ITGA10: variants seen among roughly 807,000 people sequenced by gnomAD.
The protein encoded by ITGA10 is integrin subunit alpha 10.
ITGA10 carries 105 observed loss-of-function variants against 145.2 expected under a neutral mutation model. The ratio of observed to expected loss-of-function variants is 0.72; its 90% CI spans 0.62 to 0.85. The LOEUF (loss-of-function observed/expected upper bound fraction) is 0.85, where lower values mean the gene tolerates loss of function less well. Among genes scored for constraint, ITGA10 ranks in the 40% least tolerant of loss-of-function variants. ITGA10 has a pLI of 0.00. For synonymous variants in ITGA10, 506 were observed against 557.8 expected, an observed-to-expected ratio of 0.91 and a Z score of 1.31; for missense variants, 1,317 against 1,444.5, an observed-to-expected ratio of 0.91 and a Z score of 1.43.
At chr1:145,908,596 C>T (rs1553752189) in intron 1 of ITGA10, among the ~76,000 whole-genome samples, 1 of 152,198 alleles carries the variant, frequency 6.6e-6, no homozygotes, top group Non-Finnish European at 1.5e-5. Context: ...GATTACAGGG[C>T]ACTGCCAAGG....
In ITGA10 at chr1:145,906,452, T is replaced by C; in HGVS notation, c.423A>G (p.Ile141Met). 1 of 1,614,030 alleles carries C rather than the reference T, an allele frequency of 6.2e-7. No homozygotes were observed. Among genetic ancestry groups the C allele is most frequent in the Non-Finnish European group, 8.5e-7 (1 of 1,180,014 alleles). ...ACGSSVFSSG[I>M]CARVDASFQP... ...GGAATGAAGCATCCACACGGGCACATATCCCAGAACTGAAGACAGAGCTGC... is the reference window on the plus strand; with the variant it reads ...GGAATGAAGCATCCACACGGGCACACATCCCAGAACTGAAGACAGAGCTGC... Residue 141 changes from isoleucine to methionine, a missense_variant, in exon 5 of 30, where the codon ATA becomes ATG. By Grantham distance (10) the Ile-to-Met change is conservative. Coordinates refer to ENST00000369304, the MANE Select transcript of ITGA10 (RefSeq NM_003637.5).
chr1:145,906,840 T>C lies in ITGA10; in HGVS notation c.275-16A>G. ...TGGTAGTCACCTGGTTGGAAGGAGG[T>C]GGAAGAGAATGAGATCATGGGGTCA... is the stretch of plus-strand genomic sequence containing the variant. On this transcript the variant is annotated splice_polypyrimidine_tract_variant and intron_variant, in intron 3 of 29. Transcript: ENST00000369304. 1 of 1,566,468 alleles carries C rather than the reference T, an allele frequency of 6.4e-7. No individual in the cohort carries two copies. The highest frequency in any genetic ancestry group is 8.8e-7 in the Non-Finnish European group (1 of 1,137,890).
chr1:145,892,847 T>A lies in ITGA10; in HGVS notation c.3455A>T (p.His1152Leu), dbSNP rs1654891975. ...FCLWKLGFFA[H>L]KKIPEEEKRE... Reference sequence around the variant, plus strand: ...TTTTTCTTCCTCAGGGATTTTCTTATGGGCAAAGAAGCCAAGCTGTAGAAG... The same window carrying A: ...TTTTTCTTCCTCAGGGATTTTCTTAAGGGCAAAGAAGCCAAGCTGTAGAAG... Residue 1152 changes from histidine to leucine, a missense_variant, in exon 30 of 30, where the codon CAT (histidine) becomes CTT (leucine). Physicochemically the swap from His to Leu is moderately conservative, Grantham distance 99 (BLOSUM62 -3). Transcript: ENST00000369304. 6.2e-7 allele frequency: 1 copy of A among 1,613,964 alleles called. No homozygotes were observed. Among genetic ancestry groups the A allele is most frequent in the Non-Finnish European group, 8.5e-7 (1 of 1,179,812 alleles).
Position 145,892,444 on chromosome 1 carries a change from G to T in ITGA10, c.*354C>A. On this transcript the variant is annotated 3_prime_UTR_variant, in exon 30 of 30. Coordinates refer to ENST00000369304, the MANE Select transcript of ITGA10 (RefSeq NM_003637.5). ...TCATCCTTTCCAAACTGTGAGGGAA[G>T]ATAAAGAGGGAATCTGAAAGGAGTC... The T allele has an allele frequency of 4.8e-6, 1 of 209,926 alleles. No homozygotes were observed. Among genetic ancestry groups the T allele is most frequent in the Non-Finnish European group, 9.5e-6 (1 of 105,068 alleles). The allele number at this position is 209,926 out of a possible 1,614,324, so 13.0% of individuals were successfully genotyped here.
In ITGA10 at chr1:145,907,044, A is replaced by C; in HGVS notation, c.271T>G (p.Leu91Val). Residue 91 changes from leucine (L) to valine (V), a missense_variant, in exon 3 of 30, where the codon TTA becomes GTA. Transcript: ENST00000369304. ...AHNAPCAKGH[L>V]GDYQLGNSSH... ...GAAGGGTCAGGCATCTTCTCACCTA[A>C]GTGGCCCTTGGCACATGGGGCATTG... 1 of 1,546,468 alleles carries C rather than the reference A, an allele frequency of 6.5e-7. No homozygotes were observed. Among genetic ancestry groups the C allele is most frequent in the Non-Finnish European group, 8.8e-7 (1 of 1,141,770 alleles).
chr1:145,901,839 C>A lies in ITGA10; in HGVS notation c.1294+38G>T. 1 of 1,613,108 alleles carries A rather than the reference C, an allele frequency of 6.2e-7. No homozygotes were observed. Among genetic ancestry groups the A allele is most frequent in the African/African-American group, 1.3e-5 (1 of 74,992 alleles). On this transcript the variant is annotated intron_variant, in intron 11 of 29. Transcript: ENST00000369304. The surrounding 1 kb of genome is among the most constrained non-coding windows in gnomAD (Gnocchi z 4.3). ...CCCCCACTAGGGATGTATTTCCTCC[C>A]CTACCCTGTAAGTCCTCTGCAACTC... is the stretch of plus-strand genomic sequence containing the variant.
chr1:145,904,780 G>C lies in ITGA10; in HGVS notation c.513C>G (p.Val171=), dbSNP rs1553750528. Reference sequence around the variant, plus strand: ...GGTAGATGCTGTTGGAGCCATCCAAGACAATGACAACATCCATGTATGTTG... The same window carrying C: ...GGTAGATGCTGTTGGAGCCATCCAACACAATGACAACATCCATGTATGTTG... ...RCPTYMDVVI[V]LDGSNSIYPW... is the part of the protein sequence containing the mutation. The change falls in exon 6 of 30, where the codon GTC becomes GTG. Residue 171 remains valine (V), a synonymous_variant. Coordinates refer to ENST00000369304, the MANE Select transcript of ITGA10 (RefSeq NM_003637.5). 1 of 1,613,936 alleles carries C rather than the reference G, an allele frequency of 6.2e-7. No individual in the cohort carries two copies. Among genetic ancestry groups the C allele is most frequent in the South Asian group, 1.1e-5 (1 of 91,078 alleles).
At chr1:145,907,799 T>G (rs1657370086) in intron 1 of ITGA10, among the ~76,000 whole-genome samples, 2 of 119,980 alleles carry the variant, frequency 1.7e-5, no homozygotes, top group South Asian at 2.9e-4. Context: ...TGAGACGGAG[T>G]CTCTCTGTCG....
chr1:145,893,230 C>T lies in ITGA10; in HGVS notation c.3369G>A (p.Leu1123=). The change falls in exon 29 of 30, where the codon CTG becomes CTA. Residue 1123 remains leucine (L), a synonymous_variant. Transcript: ENST00000369304. ...VVQTRPILIS[L]WILIGSVLGG... ...CCAGGACACTGCCTATGAGGATCCACAGGGAGATGAGGATAGGCCGGGTCT... is the reference window on the plus strand; with the variant it reads ...CCAGGACACTGCCTATGAGGATCCATAGGGAGATGAGGATAGGCCGGGTCT... 1 of 1,614,182 alleles carries T rather than the reference C, an allele frequency of 6.2e-7. No homozygotes were observed. Among genetic ancestry groups the T allele is most frequent in the East Asian group, 2.2e-5 (1 of 44,884 alleles).
intron 7 of ITGA10, among the ~76,000 whole-genome samples, chr1:145,903,648 CTTCT>C (rs1235577338): frequency 6.6e-6 from 1 of 150,542 alleles, no homozygotes; most frequent in Non-Finnish European, 1.5e-5. Flanking sequence ...TCTTCTTCTT[CTTCT>C]TTTTTTTTTT....
intron 14 of ITGA10, 121 bp from the exon 15 acceptor site, chr1:145,900,308 C>G (rs587672746): frequency 1.7e-6 from 2 of 1,160,132 alleles, no homozygotes; most frequent in African/African-American, 3.1e-5. Flanking sequence ...ACTCTTGTTG[C>G]CCAGGCTGGA....
chr1:145,903,022 C>CAA, intron 7 of ITGA10, 61 bp from the exon 8 acceptor site: 3 of 584,994 alleles, frequency 5.1e-6, no homozygotes, highest in Non-Finnish European at 7.8e-6. Context: ...CACACACACA[C>CAA]ATACACACAC....
intron 4 of ITGA10, 61 bp from the exon 5 acceptor site, chr1:145,906,569 A>T (rs1657170154): frequency 3.4e-6 from 5 of 1,455,190 alleles, no homozygotes; most frequent in African/African-American, 1.4e-5. Flanking sequence ...ACATGCTCCC[A>T]GTTGAAGGAG....
intron 1 of ITGA10, 100 bp from the exon 2 acceptor site, chr1:145,907,565 C>G: frequency 6.5e-7 from 1 of 1,544,030 alleles, no homozygotes; most frequent in Non-Finnish European, 8.7e-7. Flanking sequence ...AGTCTGCCTG[C>G]CTGCTTTTTC....
chr1:145,904,059 C>T lies in ITGA10; in HGVS notation c.751G>A (p.Val251Met). ...RETKTAQAIM[V>M]ACTEGFSQSH... The stretch of plus-strand genomic sequence containing the variant: ...GTCTTCCCAATGCCTCACCAGGCCA[C>T]CATTATTGCTTGGGCAGTCTTTGTT... The change falls in exon 7 of 30, where the codon GTG becomes ATG. Residue 251 changes from valine (V) to methionine (M), a missense_variant. Physicochemically the swap from Val to Met is conservative, Grantham distance 21. Coordinates refer to ENST00000369304, the MANE Select transcript of ITGA10 (RefSeq NM_003637.5). 1.2e-6 allele frequency: 2 copies of T among 1,613,958 alleles called. No homozygotes were observed. Among genetic ancestry groups the T allele is most frequent in the Non-Finnish European group, 1.7e-6 (2 of 1,179,990 alleles).
Position 145,902,894 on chromosome 1 carries a change from C to A in ITGA10, c.826G>T (p.Asp276Tyr). Reference protein sequence around the residue: ...EAARLLVVVTDGESHDGEELP... With the variant: ...EAARLLVVVTYGESHDGEELP... The stretch of plus-strand genomic sequence containing the variant: ...TCCTCTCCATCATGGGACTCTCCAT[C>A]AGTGACAACCACCAGTAGCCTGGCA... Residue 276 changes from aspartate to tyrosine, a missense_variant, in exon 8 of 30, where the codon GAT (aspartate) becomes TAT (tyrosine). Transcript: ENST00000369304. The A allele has an allele frequency of 1.2e-6, 2 of 1,613,998 alleles. No individual in the cohort carries two copies. Among genetic ancestry groups the A allele is most frequent in the South Asian group, 2.2e-5 (2 of 91,072 alleles).
intron 1 of ITGA10, among the ~76,000 whole-genome samples, chr1:145,909,761 G>A (rs1553752646): frequency 6.7e-6 from 1 of 148,748 alleles, no homozygotes; most frequent in Non-Finnish European, 1.5e-5. Context: ...GGCAGCTTTA[G>A]CCCCTGCCAG....
Position 145,897,555 on chromosome 1 carries a change from A to G in ITGA10, c.2531T>C (p.Leu844Pro). ...KENAYNTSLS[L>P]IFSRNLHLAS... ...CAGGTGGAGGTTTCTAGAGAAGATG[A>G]GACTCAGGCTCGTATTGTAAGCATT... Residue 844 changes from leucine to proline, a missense_variant, in exon 20 of 30, where the codon CTC (leucine) becomes CCC (proline). Transcript: ENST00000369304. The G allele has an allele frequency of 6.2e-7, 1 of 1,614,128 alleles. No individual in the cohort carries two copies. Among genetic ancestry groups the G allele is most frequent in the Non-Finnish European group, 8.5e-7 (1 of 1,180,024 alleles).
rs1226232920 is a variant in ITGA10 at position 145,901,813 on chromosome 1, G to A, written c.1294+64C>T. The stretch of plus-strand genomic sequence containing the variant: ...AGTTAAGAGGGAGTATTTCATACCC[G>A]CCCCCACTAGGGATGTATTTCCTCC... On this transcript the variant is annotated intron_variant, in intron 11 of 29. Transcript: ENST00000369304. This position sits in a 1 kb window ranked among gnomAD's most constrained non-coding sequence, Gnocchi z 4.3. 36 of 1,598,118 alleles carry A rather than the reference G, an allele frequency of 2.3e-5. No individual in the cohort carries two copies. Among genetic ancestry groups the A allele is most frequent in the African/African-American group, 2.1e-4 (16 of 74,624 alleles).
Sources: allele counts gnomAD v4.1 joint callset (sites outside exome capture counted in the v4.1 genomes callset), GRCh38; gene constraint gnomAD v4.1.1; non-coding constraint Gnocchi (gnomAD v3.1); transcripts MANE v1.5; gene names NCBI Gene and HGNC (gene_info 2026-07-23, HGNC 2026-07-21).